Variants in NOD2 observed in about 807,000 individuals in gnomAD.
NOD2 encodes the protein nucleotide binding oligomerization domain containing 2.
In NOD2, 86 loss-of-function variants were observed where a neutral mutation model predicts 90.9. The ratio of observed to expected loss-of-function variants is 0.95; its 90% CI spans 0.79 to 1.13. The LOEUF (loss-of-function observed/expected upper bound fraction) is 1.13, where lower values mean the gene tolerates loss of function less well. NOD2 is among the 50% of genes most tolerant of loss of function. The probability of loss-of-function intolerance (pLI) is 0.00; values close to 1 mark genes in which losing one functional copy is unlikely to be tolerated. For synonymous variants in NOD2, 581 were observed against 554.6 expected, an observed-to-expected ratio of 1.05 and a Z score of -0.67; for missense variants, 1,238 against 1,283.8, an observed-to-expected ratio of 0.96 and a Z score of 0.55.
At chr16:50,725,691 C>A in intron 10 of NOD2, 119 bp downstream of exon 10, 1 of 794,898 alleles carries the variant, frequency 1.3e-6, no homozygotes, top group Non-Finnish European at 2.2e-6. Flanking sequence ...CCTGGTAGAA[C>A]AGCTTGCCTT....
intron 3 of NOD2, among the ~76,000 whole-genome samples, chr16:50,710,227 C>T (rs1255741279): frequency 6.6e-6 from 1 of 152,242 alleles, no homozygotes; most frequent in Non-Finnish European, 1.5e-5. Flanking sequence ...ATGATAACGG[C>T]AGTCACTGAT....
At position 50,732,415 on chromosome 16, in the gene NOD2, C is replaced by G. The variant is rs1965488511; in HGVS notation, c.*596C>G. On this transcript the variant is annotated 3_prime_UTR_variant, in exon 12 of 12. Coordinates refer to ENST00000647318, the MANE Select transcript of NOD2 (RefSeq NM_001370466.1). ...TTTGATATTTCACTTACAGCACCCC[C>G]AACCCTGGCACCCAGGGTGGGAAGG... The G allele has an allele frequency of 6.2e-6, 1 of 161,028 alleles. No individual in the cohort carries two copies. Among genetic ancestry groups the G allele is most frequent in the African/African-American group, 2.4e-5 (1 of 41,556 alleles). The allele number at this position is 161,028 out of a possible 1,614,324, so 10.0% of individuals were successfully genotyped here.
At chr16:50,695,626 G>C (rs763180634) in intron 1 of NOD2, among the ~76,000 whole-genome samples, 1 of 152,080 alleles carries the variant, frequency 6.6e-6, no homozygotes, top group African/African-American at 2.4e-5. Flanking sequence ...GAAGAGAAGG[G>C]GTCTAACCAT....
chr16:50,715,922 G>A (rs1471317459), intron 4 of NOD2, among the ~76,000 whole-genome samples: 1 of 152,142 alleles, frequency 6.6e-6, no homozygotes, highest in Non-Finnish European at 1.5e-5. Context: ...TTGATTGCCA[G>A]CTCCAGGGTA....
chr16:50,730,937 A>G (rs1334718347), intron 11 of NOD2, among the ~76,000 whole-genome samples: 1 of 152,200 alleles, frequency 6.6e-6, no homozygotes, highest in Non-Finnish European at 1.5e-5. Flanking sequence ...GGCAGCTCAC[A>G]CCTGTAATCC....
Position 50,710,765 on chromosome 16 carries a change from CT to C in NOD2, c.774del (p.Gly259AlafsTer91). ...TLGLEELFST[P>X]GHLNDDADTV... The stretch of plus-strand genomic sequence containing the variant: ...GGCCTGGAGGAGCTCTTCAGCACCC[CT>C]GGCCACCTCAATGACGATGCGGACA... On this transcript the variant is annotated frameshift_variant, in exon 4 of 12. Transcript: ENST00000647318. LOFTEE classifies it high-confidence loss of function. 1 of 1,614,112 alleles carries C rather than the reference CT, an allele frequency of 6.2e-7. No individual in the cohort carries two copies. The highest frequency in any genetic ancestry group is 2.2e-5 in the East Asian group (1 of 44,866).
chr16:50,715,344 G>A (rs190342161), intron 4 of NOD2, among the ~76,000 whole-genome samples: 2 of 152,166 alleles, frequency 1.3e-5, no homozygotes, highest in Admixed American at 6.5e-5. Flanking sequence ...GATTCTAGGT[G>A]ACTTTTACTG....
intron 1 of NOD2, among the ~76,000 whole-genome samples, chr16:50,693,923 A>T (rs912946298): frequency 2.0e-5 from 3 of 151,644 alleles, no homozygotes; most frequent in Non-Finnish European, 2.9e-5. Context: ...CCCCAGCTTC[A>T]CCATGCCAGT....
intron 3 of NOD2, among the ~76,000 whole-genome samples, chr16:50,709,671 G>C (rs1964370346): frequency 6.6e-6 from 1 of 152,116 alleles, no homozygotes; most frequent in South Asian, 2.1e-4. Flanking sequence ...GGTCCACCCA[G>C]ATCAATCAGG....
rs756478868 is a variant in NOD2, at chr16:50,719,762, C to T, written c.2550-163C>T. ...TGGGGGAAAATGAAGTTGTGGGAGC[C>T]GCTGAGTAAACTAGACCTAGCAGCG... On this transcript the variant is annotated intron_variant, in intron 6 of 11. Transcript: ENST00000647318. 88 of 744,524 alleles carry T rather than the reference C, an allele frequency of 1.2e-4. No homozygotes were observed. The East Asian group carries it at 1.9e-3, about 16-fold the overall frequency. The allele number at this position is 744,524 out of a possible 1,614,324, so 46.1% of individuals were successfully genotyped here. A position where few individuals can be genotyped will look rare whatever the true frequency, so the allele number is the denominator to read the frequency against.
rs1430448639 is a variant in NOD2 at position 50,711,005 on chromosome 16, A to C, written c.1013A>C (p.Gln338Pro). The C allele has an allele frequency of 6.2e-7, 1 of 1,614,104 alleles. No homozygotes were observed. The highest frequency in any genetic ancestry group is 8.5e-7 in the Non-Finnish European group (1 of 1,180,048). Residue 338 changes from glutamine (Q) to proline (P), a missense_variant, in exon 4 of 12, where the codon CAG becomes CCG. Gln to Pro is a moderately conservative substitution (Grantham distance 76). Transcript: ENST00000647318. ...WPDVGQEDIF[Q>P]LLLDHPDRVL... ...GATGTTGGTCAAGAAGACATCTTCC[A>C]GTTACTCCTTGACCACCCTGACCGT...
chr16:50,708,568 G>A (rs1036774453), intron 3 of NOD2, among the ~76,000 whole-genome samples: 9 of 152,204 alleles, frequency 5.9e-5, no homozygotes, highest in Non-Finnish European at 8.8e-5. Flanking sequence ...GTTAAGTGAC[G>A]AGGGAGGGGA....
intron 6 of NOD2, among the ~76,000 whole-genome samples, chr16:50,718,694 G>T (rs1330388912): frequency 6.6e-6 from 1 of 152,198 alleles, no homozygotes; most frequent in Non-Finnish European, 1.5e-5. Flanking sequence ...GTAGAATGGA[G>T]GTAATAACCC....
chr16:50,695,856 G>C (rs1189974395), intron 1 of NOD2, among the ~76,000 whole-genome samples: 1 of 152,122 alleles, frequency 6.6e-6, no homozygotes, highest in Admixed American at 6.5e-5. Flanking sequence ...TGGGGAACTA[G>C]AGGGAATGGG....
chr16:50,727,822 T>C lies in NOD2; in HGVS notation c.2886-1996T>C, dbSNP rs886574040. ...TGACTTGCCGAGCATACTTCTCATA[T>C]GTAATGGTTTCGCAGGGATTCAGAA... On this transcript the variant is annotated intron_variant, in intron 10 of 11. Transcript: ENST00000647318. 7 of 371,944 alleles carry C rather than the reference T, an allele frequency of 1.9e-5. No homozygotes were observed. The Admixed American group carries it at 2.1e-4, about 11-fold the overall frequency. 23.0% of individuals were successfully genotyped at this position (371,944 alleles called of 1,614,324 possible).
intron 1 of NOD2, chr16:50,697,165 T>C: frequency 8.3e-7 from 1 of 1,197,632 alleles, no homozygotes; most frequent in Non-Finnish European, 1.2e-6. Flanking sequence ...TCACCAGTCC[T>C]GTGCCACTGG....
At chr16:50,714,134 G>A (rs766146385) in intron 4 of NOD2, among the ~76,000 whole-genome samples, 4 of 152,208 alleles carry the variant, frequency 2.6e-5, no homozygotes, top group Non-Finnish European at 4.4e-5. Flanking sequence ...TCACTGGCCT[G>A]TGTGATCCTC....
chr16:50,714,778 A>C (rs1477831473), intron 4 of NOD2, among the ~76,000 whole-genome samples: 1 of 152,090 alleles, frequency 6.6e-6, no homozygotes, highest in Non-Finnish European at 1.5e-5. Context: ...AGCCTCTAGG[A>C]AACCCTATAT....
chr16:50,730,055 CTCTG>C (rs745366054), intron 11 of NOD2, 154 bp downstream of exon 11: 7 of 644,230 alleles, frequency 1.1e-5, no homozygotes, highest in South Asian at 6.2e-5. Context: ...GGATCTGATT[CTCTG>C]TCTAAGAAAG....
Sources: allele counts gnomAD v4.1 joint callset (sites outside exome capture counted in the v4.1 genomes callset), GRCh38; gene constraint gnomAD v4.1.1; transcripts MANE v1.5; gene names NCBI Gene and HGNC (gene_info 2026-07-23, HGNC 2026-07-21).